CADM1: variants seen among roughly 807,000 people sequenced by gnomAD.
The protein encoded by CADM1 is TSLC-1.
CADM1 carries 15 observed loss-of-function variants against 53.1 expected under a neutral mutation model. The ratio of observed to expected loss-of-function variants is 0.28; its 90% confidence interval spans 0.19 to 0.44. The LOEUF (loss-of-function observed/expected upper bound fraction) is 0.44. Among genes scored for constraint, CADM1 ranks in the 20% least tolerant of loss-of-function variants. The pLI, the probability that CADM1 is intolerant of heterozygous loss-of-function variation, is 1.00. For missense variants in CADM1, 434 were observed against 611.3 expected, an observed-to-expected ratio of 0.71 and a Z score of 3.06; for synonymous variants, 281 against 243.0, an observed-to-expected ratio of 1.16 and a Z score of -1.45.
At chr11:115,221,351 A>C (rs1591617719) in intron 5 of CADM1, among the ~76,000 whole-genome samples, 1 of 152,344 alleles carries the variant, frequency 6.6e-6, no homozygotes, top group East Asian at 1.9e-4. Flanking sequence ...ACATTTAGCA[A>C]GACTGCTATA....
intron 1 of CADM1, among the ~76,000 whole-genome samples, chr11:115,455,422 G>A (rs567040905): frequency 6.6e-6 from 1 of 151,828 alleles, no homozygotes. Flanking sequence ...TATATAGAGA[G>A]AGAGAGAAAT....
chr11:115,254,851 G>C (rs1942730896), intron 1 of CADM1, among the ~76,000 whole-genome samples: 1 of 152,146 alleles, frequency 6.6e-6, no homozygotes, highest in Non-Finnish European at 1.5e-5. Flanking sequence ...CCAGGCTAGG[G>C]AATTTGCACT....
In CADM1 at chr11:115,301,294, C is replaced by T. The variant is rs547331039; in HGVS notation, c.125-60874G>A. Among the ~76,000 whole-genome samples, 87 of 152,120 alleles carry T rather than the reference C, an allele frequency of 5.7e-4. 1 individual carries two copies. The highest frequency in any genetic ancestry group is 9.3e-4 in the Non-Finnish European group (63 of 67,972). ...TGGCAAATGAAAAAGCCCAGCTTCACTTTCTATGTGTATGACACAGCCCGG... is the reference window on the plus strand; with the variant it reads ...TGGCAAATGAAAAAGCCCAGCTTCATTTTCTATGTGTATGACACAGCCCGG... On this transcript the variant is annotated intron_variant, in intron 1 of 11. Coordinates refer to ENST00000331581, the MANE Select transcript of CADM1 (RefSeq NM_001301043.2).
intron 11 of CADM1, among the ~76,000 whole-genome samples, chr11:115,177,236 G>A (rs540395914): frequency 1.1e-4 from 17 of 152,306 alleles, no homozygotes; most frequent in African/African-American, 4.1e-4. Context: ...TGAGCAAGTA[G>A]GTCTCTCTCA....
intron 1 of CADM1, among the ~76,000 whole-genome samples, chr11:115,270,438 C>T (rs1943265611): frequency 6.6e-6 from 1 of 152,154 alleles, no homozygotes; most frequent in African/African-American, 2.4e-5. Context: ...AAATATCAAT[C>T]TATTCCCCAT....
intron 3 of CADM1, among the ~76,000 whole-genome samples, chr11:115,232,772 G>A (rs1232829326): frequency 6.6e-6 from 1 of 152,096 alleles, no homozygotes; most frequent in Non-Finnish European, 1.5e-5. Context: ...AAATCAGTAA[G>A]AATACTGAAT....
chr11:115,340,645 TATATA>T (rs1258342891), intron 1 of CADM1, among the ~76,000 whole-genome samples: 28 of 35,050 alleles, frequency 8.0e-4, no homozygotes, highest in African/African-American at 2.1e-3. Flanking sequence ...TATATATATA[TATATA>T]TATATATATT....
At chr11:115,292,153 G>A (rs1215062648) in intron 1 of CADM1, among the ~76,000 whole-genome samples, 1 of 152,152 alleles carries the variant, frequency 6.6e-6, no homozygotes, top group Non-Finnish European at 1.5e-5. Context: ...CCGCACAGTC[G>A]CTGACAACCT....
At chr11:115,222,601 T>C (rs1450768792) in intron 5 of CADM1, among the ~76,000 whole-genome samples, 1 of 143,682 alleles carries the variant, frequency 7.0e-6, no homozygotes, top group African/African-American at 2.4e-5. Flanking sequence ...TTGTTATGAC[T>C]CATAGTACTG....
At chr11:115,352,800 C>T (rs1027856170) in intron 1 of CADM1, among the ~76,000 whole-genome samples, 1 of 152,086 alleles carries the variant, frequency 6.6e-6, no homozygotes, top group Admixed American at 6.6e-5. Flanking sequence ...ATCTTGCAGT[C>T]GAGGTAAGAC....
In CADM1 at chr11:115,175,241, C is replaced by A; in HGVS notation, c.*1233G>T. 1 of 985,822 alleles carries A rather than the reference C, an allele frequency of 1.0e-6. No homozygotes were observed. 61.1% of individuals were successfully genotyped at this position (985,822 alleles called of 1,614,324 possible). A position where few individuals can be genotyped will look rare whatever the true frequency, so the allele number is the denominator to read the frequency against. On this transcript the variant is annotated 3_prime_UTR_variant, in exon 12 of 12. Coordinates refer to ENST00000331581, the MANE Select transcript of CADM1 (RefSeq NM_001301043.2). ...AATACCAGCCCTTCTTTTGTACCTCCTGCCTTTGTCAAGCCAAATCTGAAG... is the reference window on the plus strand; with the variant it reads ...AATACCAGCCCTTCTTTTGTACCTCATGCCTTTGTCAAGCCAAATCTGAAG...
At chr11:115,404,557 T>G (rs1332637329) in intron 1 of CADM1, among the ~76,000 whole-genome samples, 1 of 147,580 alleles carries the variant, frequency 6.8e-6, no homozygotes, top group Non-Finnish European at 1.5e-5. Flanking sequence ...AAAGATTGAG[T>G]TTGCCTGCAT....
intron 1 of CADM1, among the ~76,000 whole-genome samples, chr11:115,248,684 A>G (rs1271157859): frequency 1.3e-5 from 2 of 152,218 alleles, no homozygotes; most frequent in Non-Finnish European, 2.9e-5. Flanking sequence ...GATAGGTTGC[A>G]TGGGCTTTTC....
chr11:115,177,984 C>G (rs1017172541), intron 11 of CADM1, among the ~76,000 whole-genome samples: 4 of 151,982 alleles, frequency 2.6e-5, no homozygotes, highest in African/African-American at 9.7e-5. Flanking sequence ...AATAAATTAC[C>G]AAGAGGGAAG....
At chr11:115,210,463 G>A (rs962812462) in intron 7 of CADM1, among the ~76,000 whole-genome samples, 10 of 152,052 alleles carry the variant, frequency 6.6e-5, no homozygotes, top group African/African-American at 2.2e-4. Context: ...TTGATATACT[G>A]TATATTCTTC....
In CADM1 at chr11:115,224,130, C is replaced by A. The variant is rs546975160; in HGVS notation, c.721+4983G>T. ...GCTCTTGGGAACTAAGTGTTATCCT[C>A]CACTCCAAATAGGAAAGATTTTCTG... On this transcript the variant is annotated intron_variant, in intron 5 of 11. Coordinates refer to ENST00000331581, the MANE Select transcript of CADM1 (RefSeq NM_001301043.2). Among the ~76,000 whole-genome samples the A allele has an allele frequency of 2.2e-4, 34 of 152,130 alleles. 1 individual carries two copies. Among genetic ancestry groups the A allele is most frequent in the African/African-American group, 7.2e-4 (30 of 41,518 alleles).
chr11:115,316,401 T>C (rs1475805884), intron 1 of CADM1, among the ~76,000 whole-genome samples: 4 of 152,118 alleles, frequency 2.6e-5, no homozygotes, highest in Non-Finnish European at 5.9e-5. Context: ...GTTGATAGTT[T>C]TCATTCTTTC....
At chr11:115,336,340 C>T (rs1453470615) in intron 1 of CADM1, among the ~76,000 whole-genome samples, 2 of 152,076 alleles carry the variant, frequency 1.3e-5, no homozygotes, top group African/African-American at 4.8e-5. Context: ...TTCATCTCAT[C>T]GATCCCTCAA....
At chr11:115,487,291 A>C (rs983414001) in intron 1 of CADM1, among the ~76,000 whole-genome samples, 1 of 152,254 alleles carries the variant, frequency 6.6e-6, no homozygotes, top group Non-Finnish European at 1.5e-5. Context: ...TATCAAATGA[A>C]TTTAACTTCG....
Sources: allele counts gnomAD v4.1 joint callset (sites outside exome capture counted in the v4.1 genomes callset), GRCh38; gene constraint gnomAD v4.1.1; transcripts MANE v1.5; gene names NCBI Gene and HGNC (gene_info 2026-07-23, HGNC 2026-07-21).